GREP1: variants seen among roughly 807,000 people sequenced by gnomAD.
GREP1 encodes the protein glycine-rich extracellular protein 1.
Position 2,991,348 on chromosome 16 carries a change from C to T in GREP1, c.322+247C>T, listed in dbSNP as rs527755014. 12 of 376,214 alleles carry T rather than the reference C, an allele frequency of 3.2e-5. No individual in the cohort carries two copies. In the South Asian group the frequency reaches 7.3e-4, roughly 23 times the overall value. 23.3% of individuals were successfully genotyped at this position (376,214 alleles called of 1,614,324 possible). A position where few individuals can be genotyped will look rare whatever the true frequency, so the allele number is the denominator to read the frequency against. On this transcript the variant is annotated intron_variant, in intron 8 of 34. Coordinates refer to ENST00000573315, the Ensembl canonical transcript of GREP1. The surrounding 1 kb of genome is among the most constrained non-coding windows in gnomAD (Gnocchi z 4.9). ...GGTCCCTCAAGCCTGCCCACCCCAC[C>T]GCTCATGGCCCTCACCAATGTCTCC... is the stretch of plus-strand genomic sequence containing the variant.
At chr16:2,999,466 C>T in intron 27 of GREP1, among the ~76,000 whole-genome samples, 1 of 143,890 alleles carries the variant, frequency 6.9e-6, no homozygotes, top group Non-Finnish European at 1.5e-5. Flanking sequence ...CTCCCCGAGT[C>T]TACCCTCTTG....
intron 18 of GREP1, among the ~76,000 whole-genome samples, chr16:2,996,295 G>A (rs2072424542): frequency 6.6e-6 from 1 of 152,194 alleles, no homozygotes; most frequent in South Asian, 2.1e-4. Flanking sequence ...CGGGAGGGCA[G>A]AGTGTGGGTC....
At chr16:3,001,649 C>T in exon 35 of GREP1, 1 of 399,152 alleles carries the variant, frequency 2.5e-6, no homozygotes, top group Non-Finnish European at 4.4e-6. Flanking sequence ...GCCTCTGGTG[C>T]TGCCTGGCCG....
At chr16:3,000,596 T>C (rs2526274) in exon 32 of GREP1, 268,309 of 398,776 alleles carry the variant, frequency 0.67, 92,047 homozygotes, top group African/African-American at 0.89. Context: ...GCAGCAGCTC[T>C]AGCCCCTGAA....
exon 33 of GREP1, chr16:3,000,760 C>G (rs551124059): frequency 2.5e-6 from 1 of 399,022 alleles, no homozygotes; most frequent in East Asian, 3.6e-5. Flanking sequence ...CCCTCCAGGC[C>G]TGGGGGGCCG....
intron 15 of GREP1, 84 bp from the exon 16 acceptor site, chr16:2,995,535 G>A: frequency 5.0e-6 from 2 of 398,686 alleles, no homozygotes; most frequent in Non-Finnish European, 8.8e-6. Flanking sequence ...TAACTGAAGG[G>A]CTGCTGGGAG....
intron 18 of GREP1, 50 bp from the exon 18 acceptor site, chr16:2,996,446 C>T: frequency 2.5e-6 from 1 of 398,994 alleles, no homozygotes; most frequent in Non-Finnish European, 4.4e-6. Context: ...GTCCTCCTGA[C>T]ACCCCCTCCG....
At chr16:2,998,368 C>G (rs1247060471) in exon 24 of GREP1, 4 of 399,170 alleles carry the variant, frequency 1.0e-5, no homozygotes, top group African/African-American at 4.1e-5. Flanking sequence ...CTGCGAGGGA[C>G]CTTGAAGCCT....
rs2072389437 is a variant in GREP1 at position 2,989,802 on chromosome 16, G to C, written c.131-172G>C. 2.0e-5 allele frequency among the ~76,000 whole-genome samples: 3 copies of C among 151,718 alleles called. No homozygotes were observed. The highest frequency in any genetic ancestry group is 1.3e-4 in the Admixed American group (2 of 15,244). On this transcript the variant is annotated intron_variant, in intron 3 of 34. Coordinates refer to ENST00000573315, the Ensembl canonical transcript of GREP1. The surrounding 1 kb of genome is among the most constrained non-coding windows in gnomAD (Gnocchi z 4.2). Reference sequence around the variant, plus strand: ...AGAGAGCAGAAAGGAAGGAGAGAGGGAAGGAGGGAGGGAAGGAGGCTGATA... The same window carrying C: ...AGAGAGCAGAAAGGAAGGAGAGAGGCAAGGAGGGAGGGAAGGAGGCTGATA...
rs756132753 is a variant in GREP1, at chr16:2,989,780, G to A, written c.131-194G>A. On this transcript the variant is annotated intron_variant, in intron 3 of 34. Transcript: ENST00000573315. The surrounding 1 kb of genome is among the most constrained non-coding windows in gnomAD (Gnocchi z 4.2). ...GAGCGGGGAGGGAAGAAAGGAAAGA[G>A]AGCAGAAAGGAAGGAGAGAGGGAAG... 6.6e-6 allele frequency among the ~76,000 whole-genome samples: 1 copy of A among 151,976 alleles called. No individual in the cohort carries two copies. Among genetic ancestry groups the A allele is most frequent in the African/African-American group, 2.4e-5 (1 of 41,362 alleles).
chr16:2,992,772 AC>A lies in GREP1; in HGVS notation c.323-31del. 2.5e-6 allele frequency: 1 copy of A among 399,156 alleles called. No individual in the cohort carries two copies. The allele number at this position is 399,156 out of a possible 1,614,324, so 24.7% of individuals were successfully genotyped here. A position where few individuals can be genotyped will look rare whatever the true frequency, so the allele number is the denominator to read the frequency against. The stretch of plus-strand genomic sequence containing the variant: ...GGCCCCAGCTCATCCCCACTGCACC[AC>A]CTTCCACACTCCTGTGTCTGCCCTC... On this transcript the variant is annotated intron_variant, in intron 8 of 34. Coordinates refer to ENST00000573315, the Ensembl canonical transcript of GREP1. This position sits in a 1 kb window ranked among gnomAD's most constrained non-coding sequence, Gnocchi z 4.9.
intron 13 of GREP1, 148 bp downstream of exon 14, chr16:2,995,110 G>A (rs1469745552): frequency 1.0e-5 from 4 of 398,106 alleles, no homozygotes; most frequent in South Asian, 1.4e-4. Flanking sequence ...AACCATAGGC[G>A]CTGTGTCCCC....
chr16:3,000,322 C>A, exon 30 of GREP1: 1 of 399,304 alleles, frequency 2.5e-6, no homozygotes, highest in Non-Finnish European at 4.4e-6. Flanking sequence ...GTCCTGGGAG[C>A]CAGGGTCTTC....
At chr16:2,988,944 AAGG>A (rs2072385066) in intron 2 of GREP1, 3 of 336,292 alleles carry the variant, frequency 8.9e-6, no homozygotes, top group Non-Finnish European at 1.6e-5. Flanking sequence ...GGGAGGGGAC[AAGG>A]AGAACTGAGC....
At chr16:3,001,883 G>A (rs2072464047) in exon 35 of GREP1, 1 of 368,076 alleles carries the variant, frequency 2.7e-6, no homozygotes, top group Non-Finnish European at 4.8e-6. Flanking sequence ...CTGCCCTCAG[G>A]GAGGGCATCA....
rs562771790 is a variant in GREP1 at position 2,991,112 on chromosome 16, G to A, written c.322+11G>A. On this transcript the variant is annotated intron_variant, in intron 8 of 34. Transcript: ENST00000573315. The surrounding 1 kb of genome is among the most constrained non-coding windows in gnomAD (Gnocchi z 4.9). ...CCGGAGCCCAGTCAGGTGAGGAAAC[G>A]TCGGGTGTGGCAGGACCTGGGCTTC... is the stretch of plus-strand genomic sequence containing the variant. The A allele has an allele frequency of 2.5e-6, 1 of 399,280 alleles. No individual in the cohort carries two copies. The highest frequency in any genetic ancestry group is 4.4e-6 in the Non-Finnish European group (1 of 226,318). The allele number at this position is 399,280 out of a possible 1,614,324, so 24.7% of individuals were successfully genotyped here.
chr16:2,990,067 C>T lies in GREP1; in HGVS notation c.164-20C>T. The T allele has an allele frequency of 2.5e-6, 1 of 399,426 alleles. No homozygotes were observed. Among genetic ancestry groups the T allele is most frequent in the Non-Finnish European group, 4.4e-6 (1 of 226,332 alleles). The allele number at this position is 399,426 out of a possible 1,614,324, so 24.7% of individuals were successfully genotyped here. A position where few individuals can be genotyped will look rare whatever the true frequency, so the allele number is the denominator to read the frequency against. On this transcript the variant is annotated intron_variant, in intron 4 of 34. Coordinates refer to ENST00000573315, the Ensembl canonical transcript of GREP1. ...CCTCTTTCTCTCACACTCCTCACCT[C>T]ACCTCATCTGTCTCTCCAGGATTCG... is the stretch of plus-strand genomic sequence containing the variant.
intron 18 of GREP1, among the ~76,000 whole-genome samples, chr16:2,996,105 G>A (rs1313413138): frequency 1.3e-5 from 2 of 152,130 alleles, no homozygotes; most frequent in East Asian, 3.9e-4. Flanking sequence ...GCTAATTTTT[G>A]TATTTTTGGT....
intron 5 of GREP1, 38 bp downstream of exon 5, chr16:2,990,160 G>T: frequency 5.0e-6 from 2 of 399,062 alleles, no homozygotes; most frequent in Admixed American, 4.4e-5. Flanking sequence ...CTCCCTCCCA[G>T]GCCTCAGACG....
Sources: gnomAD v4.1 joint callset for allele counts (sites outside exome capture counted in the v4.1 genomes callset) on GRCh38, gnomAD v4.1.1 for gene constraint, Gnocchi (gnomAD v3.1) non-coding constraint, MANE v1.5 for transcripts, NCBI Gene and HGNC (gene_info 2026-07-23, HGNC 2026-07-21) for gene names.